CRISPLD2: variants seen among roughly 807,000 people sequenced by gnomAD.
CRISPLD2 encodes cysteine-rich secretory protein LCCL domain-containing 2.
CRISPLD2 carries 47 observed loss-of-function variants against 71.1 expected under a neutral mutation model. The observed-to-expected ratio is 0.66, with a 90% confidence interval of 0.52 to 0.84. The LOEUF is 0.84. Ranked by LOEUF, CRISPLD2 falls within the 40% of genes least tolerant of loss-of-function variation. The pLI is 0.00. For missense variants in CRISPLD2, 830 were observed against 651.1 expected (o/e 1.27, Z -2.99); for synonymous variants, 317 against 250.1 (o/e 1.27, Z -2.52).
At chr16:84,898,928 C>T (rs1258965566) in intron 14 of CRISPLD2, among the ~76,000 whole-genome samples, 1 of 152,168 alleles carries the variant, frequency 6.6e-6, no homozygotes, top group African/African-American at 2.4e-5. Flanking sequence ...CACCGTTGTA[C>T]TCCTGGGCTC....
intron 8 of CRISPLD2, 139 bp downstream of exon 8, chr16:84,869,050 G>T (rs1219988271): frequency 2.8e-6 from 2 of 709,210 alleles, no homozygotes; most frequent in Non-Finnish European, 4.6e-6. Flanking sequence ...GCAGAACAGG[G>T]GTTAGGGCTG....
At chr16:84,885,796 G>C (rs955923691) in intron 13 of CRISPLD2, among the ~76,000 whole-genome samples, 1 of 149,800 alleles carries the variant, frequency 6.7e-6, no homozygotes, top group African/African-American at 2.5e-5. Flanking sequence ...GTTAATGTGG[G>C]AATGTTGGAT....
chr16:84,876,612 G>T (rs1304969986), intron 11 of CRISPLD2, among the ~76,000 whole-genome samples: 6 of 152,096 alleles, frequency 3.9e-5, no homozygotes, highest in Admixed American at 1.3e-4. Flanking sequence ...GGCCAACATG[G>T]TGAAACCCTG....
chr16:84,872,409 T>C, intron 8 of CRISPLD2, 33 bp from the exon 9 acceptor site: 2 of 1,577,916 alleles, frequency 1.3e-6, no homozygotes, highest in Middle Eastern at 1.7e-4. Flanking sequence ...AACGTGCTTA[T>C]CTCTGAACAT....
Position 84,835,124 on chromosome 16 carries a change from C to T in CRISPLD2, c.-74-3298C>T, listed in dbSNP as rs545155799. 3.9e-5 allele frequency among the ~76,000 whole-genome samples: 6 copies of T among 152,148 alleles called. No homozygotes were observed. In the South Asian group the frequency reaches 1.2e-3, roughly 32 times the overall value. ...AATTTTTTTGAGGTGAAGTTTTGCT[C>T]TTGTCTCCCAGGCTAGAGTGCAATG... is the stretch of plus-strand genomic sequence containing the variant. On this transcript the variant is annotated intron_variant, in intron 1 of 14. Transcript: ENST00000262424.
chr16:84,868,714 C>T, intron 7 of CRISPLD2, 137 bp from the exon 8 acceptor site: 1 of 719,310 alleles, frequency 1.4e-6, no homozygotes, highest in South Asian at 1.7e-5. Flanking sequence ...AGCCTGCAAC[C>T]ATCAGGCATT....
intron 11 of CRISPLD2, among the ~76,000 whole-genome samples, chr16:84,876,014 G>T (rs1340706618): frequency 1.3e-5 from 2 of 152,186 alleles, no homozygotes; most frequent in African/African-American, 2.4e-5. Context: ...GACCAGCAGG[G>T]TTCAGCAAAC....
chr16:84,849,474 G>T lies in CRISPLD2; in HGVS notation c.449G>T (p.Cys150Phe). ...YPYPSECNPW[C>F]PERCSGPMCT... ...TACCCGAGCGAGTGCAACCCCTGGT[G>T]TCCAGAGAGGTGCTCGGGGCCCATG... The change falls in exon 4 of 15, where the codon TGT becomes TTT. Residue 150 changes from cysteine (C) to phenylalanine (F), a missense_variant. Coordinates refer to ENST00000262424, the MANE Select transcript of CRISPLD2 (RefSeq NM_031476.4). The T allele has an allele frequency of 6.2e-7, 1 of 1,614,154 alleles. No homozygotes were observed. The highest frequency in any genetic ancestry group is 8.5e-7 in the Non-Finnish European group (1 of 1,179,984).
chr16:84,828,854 A>G (rs1337920201), intron 1 of CRISPLD2, among the ~76,000 whole-genome samples: 1 of 152,142 alleles, frequency 6.6e-6, no homozygotes, highest in Non-Finnish European at 1.5e-5. Flanking sequence ...AAAGCATTGT[A>G]TAGATTTTTT....
chr16:84,899,850 G>T (rs1447705417), intron 14 of CRISPLD2, among the ~76,000 whole-genome samples: 1 of 152,162 alleles, frequency 6.6e-6, no homozygotes, highest in Admixed American at 6.5e-5. Context: ...CATAGAATCT[G>T]CAGACCCATA....
chr16:84,856,028 C>G (rs570006500), intron 6 of CRISPLD2, among the ~76,000 whole-genome samples: 2 of 152,346 alleles, frequency 1.3e-5, no homozygotes, highest in African/African-American at 2.4e-5. Flanking sequence ...ATATCTGCAA[C>G]TGGTCACGTG....
At chr16:84,879,146 C>G (rs936678506) in intron 12 of CRISPLD2, among the ~76,000 whole-genome samples, 1 of 152,150 alleles carries the variant, frequency 6.6e-6, no homozygotes, top group Non-Finnish European at 1.5e-5. Flanking sequence ...CCACTGCCTC[C>G]GCACCACCGT....
At chr16:84,901,303 A>G (rs2071751807) in intron 14 of CRISPLD2, among the ~76,000 whole-genome samples, 1 of 152,322 alleles carries the variant, frequency 6.6e-6, no homozygotes, top group East Asian at 1.9e-4. Context: ...ACATCCACAT[A>G]AGATCTAAAC....
At chr16:84,886,666 T>C (rs1269033331) in intron 13 of CRISPLD2, among the ~76,000 whole-genome samples, 1 of 151,224 alleles carries the variant, frequency 6.6e-6, no homozygotes, top group East Asian at 1.9e-4. Flanking sequence ...CTAAAGAAAA[T>C]GGAAAAATTA....
At chr16:84,887,490 T>C (rs913724284) in intron 13 of CRISPLD2, among the ~76,000 whole-genome samples, 13 of 152,238 alleles carry the variant, frequency 8.5e-5, no homozygotes, top group Admixed American at 6.5e-5. Context: ...AGCAAGCTGC[T>C]GCCGGGGACT....
rs768116293 is a variant in CRISPLD2, at chr16:84,906,564, G to A, written c.1440-24G>A. 3 of 1,611,856 alleles carry A rather than the reference G, an allele frequency of 1.9e-6. No homozygotes were observed. The East Asian group carries it at 6.7e-5, about 36-fold the overall frequency. On this transcript the variant is annotated intron_variant, in intron 14 of 14. Transcript: ENST00000262424. ...AGGCCCTCCAGATCTCTCAGTAACG[G>A]GCCCTCTTTCTTCTTTTTTTCAGCC... is the stretch of plus-strand genomic sequence containing the variant.
At chr16:84,905,855 G>A (rs960392554) in intron 14 of CRISPLD2, among the ~76,000 whole-genome samples, 2 of 151,392 alleles carry the variant, frequency 1.3e-5, no homozygotes, top group Admixed American at 6.6e-5. Flanking sequence ...GATTACAGGC[G>A]CCTGCCACCA....
rs1567701424 is a variant in CRISPLD2, at chr16:84,885,811, T to TA, written c.1306-3419_1306-3418insA. On this transcript the variant is annotated intron_variant, in intron 13 of 14. Transcript: ENST00000262424. ...GTTAATGTGGGAATGTTGGATCCCT[T>TA]CTTTTTTTTTTTTTTTTTTTTTTGA... Among the ~76,000 whole-genome samples, 675 of 145,584 alleles carry TA rather than the reference T, an allele frequency of 4.6e-3. 5 individuals are homozygous for TA. Among genetic ancestry groups the TA allele is most frequent in the African/African-American group, 0.016 (633 of 38,940 alleles).
chr16:84,873,141 G>C lies in CRISPLD2; in HGVS notation c.1112+19G>C. 1 of 1,603,496 alleles carries C rather than the reference G, an allele frequency of 6.2e-7. No homozygotes were observed. Among genetic ancestry groups the C allele is most frequent in the Non-Finnish European group, 8.5e-7 (1 of 1,175,438 alleles). ...CCCTCAGGTAACTACTCTGTGATCG[G>C]GGCTCTGTGAAACGGTTTTCCTGTT... On this transcript the variant is annotated intron_variant, in intron 10 of 14. Transcript: ENST00000262424.
Sources: allele counts gnomAD v4.1 joint callset (sites outside exome capture counted in the v4.1 genomes callset), GRCh38; gene constraint gnomAD v4.1.1; transcripts MANE v1.5; gene names NCBI Gene and HGNC (gene_info 2026-07-23, HGNC 2026-07-21).